The following UGT1A8 variants were observed in gnomAD, a reference collection of about 807,000 sequenced individuals.
UGT1A8 encodes the protein UDP glucuronosyltransferase family 1 member A8.
In UGT1A8, 39 loss-of-function variants were observed where a neutral mutation model predicts 45.3. That is an observed-to-expected ratio of 0.86 (90% CI 0.67 to 1.12). The LOEUF is 1.12. Among genes scored for constraint, UGT1A8 ranks in the 50% most tolerant of loss-of-function variants. UGT1A8 has a pLI of 0.00. For missense variants in UGT1A8, 719 were observed against 664.9 expected, an observed-to-expected ratio of 1.08 and a Z score of -0.90; for synonymous variants, 275 against 249.2, an observed-to-expected ratio of 1.10 and a Z score of -0.97.
At chr2:233,628,648 T>C (rs2125453006) in intron 1 of UGT1A8, among the ~76,000 whole-genome samples, 1 of 152,222 alleles carries the variant, frequency 6.6e-6, no homozygotes, top group East Asian at 1.9e-4. Context: ...AAGAACAATG[T>C]TGAGTAGAAG....
At chr2:233,745,298 A>G (rs1339213768) in intron 1 of UGT1A8, among the ~76,000 whole-genome samples, 1 of 151,884 alleles carries the variant, frequency 6.6e-6, no homozygotes, top group East Asian at 1.9e-4. Flanking sequence ...TAAACGTGGG[A>G]TGCAGTGATT....
At chr2:233,720,348 T>C (rs1265455375) in intron 1 of UGT1A8, among the ~76,000 whole-genome samples, 1 of 152,042 alleles carries the variant, frequency 6.6e-6, no homozygotes, top group African/African-American at 2.4e-5. Flanking sequence ...GGTATGGTGA[T>C]GGTTGCATGT....
At chr2:233,666,972 C>G (rs2074091790) in intron 1 of UGT1A8, among the ~76,000 whole-genome samples, 1 of 152,146 alleles carries the variant, frequency 6.6e-6, no homozygotes, top group South Asian at 2.1e-4. Flanking sequence ...CTACAATGGA[C>G]ATGAACTCAT....
At position 233,706,233 on chromosome 2, in the gene UGT1A8, G is replaced by A. The variant is rs181883669; in HGVS notation, c.856-60801G>A. Among the ~76,000 whole-genome samples, 10 of 152,360 alleles carry A rather than the reference G, an allele frequency of 6.6e-5. No homozygotes were observed. In the East Asian group the frequency reaches 1.9e-3, roughly 29 times the overall value. On this transcript the variant is annotated intron_variant, in intron 1 of 4. Coordinates refer to ENST00000373450, the MANE Select transcript of UGT1A8 (RefSeq NM_019076.5). ...CCCAGGCAGGGGCAAATGTGCAGCT[G>A]GGAGAGTGAGAGAACCAGGGCAGCT...
At chr2:233,671,525 A>G (rs1486752107) in intron 1 of UGT1A8, among the ~76,000 whole-genome samples, 1 of 152,186 alleles carries the variant, frequency 6.6e-6, no homozygotes, top group African/African-American at 2.4e-5. Flanking sequence ...GACAGAGAGT[A>G]TTTGGTTGCC....
At chr2:233,674,272 T>C (rs1239856591) in intron 1 of UGT1A8, among the ~76,000 whole-genome samples, 1 of 152,212 alleles carries the variant, frequency 6.6e-6, no homozygotes, top group Non-Finnish European at 1.5e-5. Flanking sequence ...ACTACAGTTG[T>C]AGGCCTTTCA....
chr2:233,675,307 T>C lies in UGT1A8; in HGVS notation c.855+56745T>C, dbSNP rs574225791. ...TTTTACATTCCAGCGTTCTAATGTG[T>C]GTGTGTTGATTAATGATGTGTAAAT... On this transcript the variant is annotated intron_variant, in intron 1 of 4. Transcript: ENST00000373450. Among the ~76,000 whole-genome samples, 5 of 152,292 alleles carry C rather than the reference T, an allele frequency of 3.3e-5. No individual in the cohort carries two copies. The South Asian group carries it at 1.0e-3, about 32-fold the overall frequency.
intron 1 of UGT1A8, among the ~76,000 whole-genome samples, chr2:233,688,392 A>T (rs1319746740): frequency 1.3e-5 from 2 of 152,198 alleles, no homozygotes; most frequent in Admixed American, 6.6e-5. Flanking sequence ...ATAAACCCTG[A>T]TGTTCTAATT....
chr2:233,626,283 A>G (rs1447047830), intron 1 of UGT1A8, among the ~76,000 whole-genome samples: 2 of 152,006 alleles, frequency 1.3e-5, no homozygotes, highest in African/African-American at 4.8e-5. Context: ...AAGCCTTTCC[A>G]TGAGGCTTGT....
chr2:233,743,852 G>C (rs770873874), intron 1 of UGT1A8: 2 of 1,367,108 alleles, frequency 1.5e-6, no homozygotes, highest in East Asian at 9.1e-5. Context: ...CTTGCGGTAC[G>C]CCTTCTTGAT....
intron 1 of UGT1A8, among the ~76,000 whole-genome samples, chr2:233,710,692 G>C (rs976331221): frequency 2.6e-5 from 4 of 152,100 alleles, no homozygotes; most frequent in African/African-American, 9.7e-5. Context: ...TTTACTTCTG[G>C]TGTGTGGTGT....
intron 1 of UGT1A8, chr2:233,747,152 G>T: frequency 1.3e-6 from 2 of 1,577,610 alleles, no homozygotes; most frequent in Non-Finnish European, 1.7e-6. Flanking sequence ...TTAAGATGAA[G>T]AAAACAAATG....
chr2:233,702,086 A>G (rs1193659168), intron 1 of UGT1A8, among the ~76,000 whole-genome samples: 1 of 152,166 alleles, frequency 6.6e-6, no homozygotes, highest in African/African-American at 2.4e-5. Flanking sequence ...ATAGTCACAG[A>G]TTTGTACAAC....
chr2:233,710,734 T>C (rs1299004850), intron 1 of UGT1A8, among the ~76,000 whole-genome samples: 1 of 152,216 alleles, frequency 6.6e-6, no homozygotes, highest in Non-Finnish European at 1.5e-5. Flanking sequence ...AACAACGTCT[T>C]TCAAGGAGCA....
At chr2:233,630,993 AC>A (rs1268142216) in intron 1 of UGT1A8, among the ~76,000 whole-genome samples, 2 of 150,448 alleles carry the variant, frequency 1.3e-5, no homozygotes, top group Non-Finnish European at 3.0e-5. Flanking sequence ...CTAGGCCCTC[AC>A]CCCCCGACAG....
chr2:233,637,918 C>T (rs1449449580), intron 1 of UGT1A8, among the ~76,000 whole-genome samples: 1 of 152,044 alleles, frequency 6.6e-6, no homozygotes, highest in East Asian at 1.9e-4. Context: ...TTAATAATTG[C>T]ATAAAATTCT....
At chr2:233,653,846 C>T (rs2073794220) in intron 1 of UGT1A8, among the ~76,000 whole-genome samples, 1 of 152,250 alleles carries the variant, frequency 6.6e-6, no homozygotes, top group Non-Finnish European at 1.5e-5. Context: ...ATCTGCCCTT[C>T]TCAGCCTCCC....
intron 1 of UGT1A8, among the ~76,000 whole-genome samples, chr2:233,644,858 T>C (rs112758089): frequency 1.3e-5 from 2 of 152,334 alleles, no homozygotes; most frequent in African/African-American, 4.8e-5. Flanking sequence ...TTGGTTCTTA[T>C]GAAGGTGGTT....
chr2:233,672,653 C>G (rs561534651), intron 1 of UGT1A8: 2 of 1,613,786 alleles, frequency 1.2e-6, no homozygotes, highest in African/African-American at 2.7e-5. Context: ...ACACCTGTTA[C>G]GGAGTATGAT....
Sources: allele counts gnomAD v4.1 joint callset (sites outside exome capture counted in the v4.1 genomes callset), GRCh38; gene constraint gnomAD v4.1.1; transcripts MANE v1.5; gene names NCBI Gene and HGNC (gene_info 2026-07-23, HGNC 2026-07-21).